VWA2: variants seen among roughly 807,000 people sequenced by gnomAD.
The protein encoded by VWA2 is von Willebrand factor A domain containing 2, also known as von Willebrand factor A domain-containing protein 2.
VWA2 carries 73 observed loss-of-function variants against 70.4 expected under a neutral mutation model. The ratio of observed to expected loss-of-function variants is 1.04; its 90% CI spans 0.86 to 1.26. The LOEUF is 1.26. Among genes scored for constraint, VWA2 ranks in the 50% most tolerant of loss-of-function variants. VWA2 has a pLI of 0.00. For synonymous variants in VWA2, 407 were observed against 423.3 expected, an observed-to-expected ratio of 0.96 and a Z score of 0.47; for missense variants, 1,011 against 998.5, an observed-to-expected ratio of 1.01 and a Z score of -0.17.
intron 1 of VWA2, among the ~76,000 whole-genome samples, chr10:114,242,523 C>A (rs1030068162): frequency 5.3e-5 from 8 of 152,086 alleles, no homozygotes; most frequent in Non-Finnish European, 1.0e-4. Flanking sequence ...ATCTGTGTAT[C>A]AGTGCCTCTG....
chr10:114,240,374 C>T (rs1304353183), intron 1 of VWA2, among the ~76,000 whole-genome samples: 1 of 152,158 alleles, frequency 6.6e-6, no homozygotes, highest in Non-Finnish European at 1.5e-5. Flanking sequence ...CTGGGGGCAC[C>T]AGACAGAAGA....
rs747387911 is a variant in VWA2, at chr10:114,289,318, C to T, written c.1951C>T (p.Pro651Ser). ...GAGAGGCGCAGAGGATGCAGCCGTT[C>T]CTGCCCAGAAGCTGAGGAACAATGG... ...GGRGAEDAAV[P>S]AQKLRNNGIS... Residue 651 changes from proline to serine, a missense_variant, in exon 12 of 14, where the codon CCT becomes TCT. Transcript: ENST00000392982. The T allele has an allele frequency of 1.2e-6, 2 of 1,614,210 alleles. No homozygotes were observed. Among genetic ancestry groups the T allele is most frequent in the Non-Finnish European group, 1.7e-6 (2 of 1,180,032 alleles).
intron 1 of VWA2, 112 bp from the exon 2 acceptor site, chr10:114,248,592 G>C: frequency 1.2e-6 from 1 of 866,570 alleles, no homozygotes; most frequent in South Asian, 1.4e-5. Flanking sequence ...GGCCTCCAGG[G>C]TCATATCTGT....
chr10:114,259,172 C>T (rs746678424), intron 4 of VWA2, among the ~76,000 whole-genome samples: 19 of 152,262 alleles, frequency 1.2e-4, no homozygotes, highest in Admixed American at 3.9e-4. Flanking sequence ...TTTGAGAATG[C>T]TTGTTTCACC....
chr10:114,253,774 T>A, intron 3 of VWA2, 49 bp downstream of exon 3: 2 of 1,499,684 alleles, frequency 1.3e-6, no homozygotes, highest in Non-Finnish European at 1.9e-6. Context: ...CAGACCTCTG[T>A]GTGATGGACT....
At position 114,278,023 on chromosome 10, in the gene VWA2, G is replaced by A. The variant is rs1322219376; in HGVS notation, c.676G>A (p.Ala226Thr). The change falls in exon 7 of 14, where the codon GCC (alanine) becomes ACC (threonine). Residue 226 changes from alanine to threonine, a missense_variant. Ala to Thr is a moderately conservative substitution (Grantham distance 58, BLOSUM62 0). Coordinates refer to ENST00000392982, the MANE Select transcript of VWA2 (RefSeq NM_001272046.2). ...CCTCTTCAGCACCCTCAGCAGCTCG[G>A]CCATCTGCTCCAGCGCCACGCCAGG... is the stretch of plus-strand genomic sequence containing the variant. Reference protein sequence around the residue: ...NGLFSTLSSSAICSSATPDCR... With the variant: ...NGLFSTLSSSTICSSATPDCR... 4.3e-6 allele frequency: 7 copies of A among 1,612,286 alleles called. No individual in the cohort carries two copies. The highest frequency in any genetic ancestry group is 5.9e-6 in the Non-Finnish European group (7 of 1,178,904).
chr10:114,279,206 G>C (rs1314888571), intron 8 of VWA2, among the ~76,000 whole-genome samples: 2 of 152,168 alleles, frequency 1.3e-5, no homozygotes, highest in Admixed American at 1.3e-4. Flanking sequence ...CATTATGGGG[G>C]CTGAGTGAGG....
At position 114,278,062 on chromosome 10, in the gene VWA2, C is replaced by A. The variant is rs1436749187; in HGVS notation, c.700+15C>A. 1.2e-6 allele frequency: 2 copies of A among 1,603,504 alleles called. No homozygotes were observed. Among genetic ancestry groups the A allele is most frequent in the African/African-American group, 2.7e-5 (2 of 74,756 alleles). ...CGCCACGCCAGGTAAGATCTTCCAG[C>A]CTGGAGGGAGTGGAAGTGCCATGTG... is the stretch of plus-strand genomic sequence containing the variant. On this transcript the variant is annotated intron_variant, in intron 7 of 13. Transcript: ENST00000392982.
At chr10:114,278,575 C>A in intron 7 of VWA2, 144 bp from the exon 8 acceptor site, 1 of 1,210,488 alleles carries the variant, frequency 8.3e-7, no homozygotes, top group Non-Finnish European at 1.2e-6. Flanking sequence ...GAGATATGCC[C>A]TGACCTGAGA....
At position 114,286,355 on chromosome 10, in the gene VWA2, G is replaced by A. The variant is rs181325818; in HGVS notation, c.1414G>A (p.Glu472Lys). 18 of 1,613,784 alleles carry A rather than the reference G, an allele frequency of 1.1e-5. No homozygotes were observed. The Admixed American group carries it at 3.0e-4, about 27-fold the overall frequency. Reference protein sequence around the residue: ...AGPARHARARELLLLGVGSEA... With the variant: ...AGPARHARARKLLLLGVGSEA... ...CCCAGCGCGTCACGCAAGGGCGCGA[G>A]AGCTGCTCCTGCTGGGTGTAGGCAG... is the stretch of plus-strand genomic sequence containing the variant. Residue 472 changes from glutamate (E) to lysine (K), a missense_variant, in exon 11 of 14, where the codon GAG becomes AAG. Glu to Lys is a moderately conservative substitution (Grantham distance 56). Transcript: ENST00000392982.
At chr10:114,278,151 A>G (rs2037895267) in intron 7 of VWA2, 104 bp downstream of exon 7, 3 of 1,467,580 alleles carry the variant, frequency 2.0e-6, no homozygotes, top group Non-Finnish European at 2.7e-6. Flanking sequence ...GATGGAGGGC[A>G]GGCAAGAGAA....
At position 114,289,103 on chromosome 10, in the gene VWA2, T is replaced by G. The variant is rs2039270584; in HGVS notation, c.1736T>G (p.Val579Gly). 6.2e-7 allele frequency: 1 copy of G among 1,614,080 alleles called. No individual in the cohort carries two copies. The highest frequency in any genetic ancestry group is 8.5e-7 in the Non-Finnish European group (1 of 1,180,022). Residue 579 changes from valine to glycine, a missense_variant, in exon 12 of 14, where the codon GTG (valine) becomes GGG (glycine). Physicochemically the swap from Val to Gly is moderately radical, Grantham distance 109 (BLOSUM62 -3). Coordinates refer to ENST00000392982, the MANE Select transcript of VWA2 (RefSeq NM_001272046.2). ...GGCCTGGTGGTGTATGGCAGCCAGGTGCAGACTGCCTTCGGGCTGGACACC... is the reference window on the plus strand; with the variant it reads ...GGCCTGGTGGTGTATGGCAGCCAGGGGCAGACTGCCTTCGGGCTGGACACC... ...QVGLVVYGSQ[V>G]QTAFGLDTKP...
At position 114,291,223 on chromosome 10, in the gene VWA2, T is replaced by C; in HGVS notation, c.2254T>C (p.Leu752=). 6.4e-7 allele frequency: 1 copy of C among 1,550,548 alleles called. No homozygotes were observed. The part of the protein sequence containing the change: ...WEGPHCENRF[L]RRP ...GACTTCACTTCCTTCCCCAGGATTC[T>C]TGAGACGCCCCTGAGGCACATGGCT... Residue 752 remains leucine, a synonymous_variant, in exon 14 of 14, where the codon TTG becomes CTG. Transcript: ENST00000392982.
intron 5 of VWA2, among the ~76,000 whole-genome samples, chr10:114,263,252 C>T (rs1375963763): frequency 6.6e-6 from 1 of 151,488 alleles, no homozygotes; most frequent in Non-Finnish European, 1.5e-5. Context: ...TGAGCTCAAG[C>T]AATCCACCTG....
intron 6 of VWA2, 77 bp downstream of exon 6, chr10:114,273,011 G>C: frequency 7.3e-7 from 1 of 1,361,222 alleles, no homozygotes; most frequent in Non-Finnish European, 9.9e-7. Flanking sequence ...GGAGGGAAGG[G>C]AGGGGACTGG....
At chr10:114,290,495 C>A in intron 13 of VWA2, 130 bp downstream of exon 13, 1 of 1,318,652 alleles carries the variant, frequency 7.6e-7, no homozygotes, top group South Asian at 1.4e-5. Flanking sequence ...AGTCGTTTAC[C>A]CACGAAACAT....
rs766709871 is a variant in VWA2, at chr10:114,253,802, T to C, written c.127+77T>C. 8.4e-5 allele frequency: 116 copies of C among 1,375,446 alleles called. No individual in the cohort carries two copies. In the East Asian group the frequency reaches 2.7e-3, roughly 32 times the overall value. 85.2% of individuals were successfully genotyped at this position (1,375,446 alleles called of 1,614,324 possible). A position where few individuals can be genotyped will look rare whatever the true frequency, so the allele number is the denominator to read the frequency against. On this transcript the variant is annotated intron_variant, in intron 3 of 13. Coordinates refer to ENST00000392982, the MANE Select transcript of VWA2 (RefSeq NM_001272046.2). ...GATGGACTGGATGAGAACCATGTTC[T>C]TCCAGAGAGTTTCTGCCCCTTTCCC... is the stretch of plus-strand genomic sequence containing the variant.
intron 5 of VWA2, among the ~76,000 whole-genome samples, chr10:114,262,202 CAT>C (rs1448949745): frequency 6.6e-6 from 1 of 151,816 alleles, no homozygotes; most frequent in African/African-American, 2.4e-5. Flanking sequence ...TATATATAGT[CAT>C]ATGTTTACTT....
rs1367289753 is a variant in VWA2 at position 114,286,419 on chromosome 10, G to A, written c.1478G>A (p.Ser493Asn). 11 of 1,613,828 alleles carry A rather than the reference G, an allele frequency of 6.8e-6. No homozygotes were observed. In the East Asian group the frequency reaches 2.5e-4, roughly 36 times the overall value. The change falls in exon 11 of 14, where the codon AGC becomes AAC. Residue 493 changes from serine (S) to asparagine (N), a missense_variant. Transcript: ENST00000392982. The stretch of plus-strand genomic sequence containing the variant: ...GCAGAGCTGGAGGAGATCACAGGCA[G>A]CCCAAAGCATGTGATGGTCTACTCG... ...VRAELEEITG[S>N]PKHVMVYSDP...
Sources: gnomAD v4.1 joint callset for allele counts (sites outside exome capture counted in the v4.1 genomes callset) on GRCh38, gnomAD v4.1.1 for gene constraint, MANE v1.5 for transcripts, NCBI Gene and HGNC (gene_info 2026-07-23, HGNC 2026-07-21) for gene names.